Variants in SLC24A2 observed in about 807,000 individuals in gnomAD.
SLC24A2 encodes the protein solute carrier family 24 member 2, also known as sodium/potassium/calcium exchanger 2.
SLC24A2 carries 36 observed loss-of-function variants against 62.0 expected under a neutral mutation model. That is an observed-to-expected ratio of 0.58 (90% CI 0.44 to 0.77). The LOEUF is 0.77. Ranked by LOEUF, SLC24A2 falls within the 30% of genes least tolerant of loss-of-function variation. The probability of loss-of-function intolerance (pLI) is 0.00; values close to 1 mark genes in which losing one functional copy is unlikely to be tolerated. For synonymous variants in SLC24A2, 358 were observed against 294.0 expected (o/e 1.22, Z -2.23); for missense variants, 846 against 817.9 (o/e 1.03, Z -0.42).
the SLC24A2 span, among the ~76,000 whole-genome samples, chr9:20,280,717 G>T: frequency 3.3e-5 from 5 of 152,164 alleles, no homozygotes; most frequent in African/African-American, 4.8e-5. Context: ...ATTGGTAACA[G>T]GGTTTTAGAA....
At chr9:19,983,462 G>A in the SLC24A2 span, among the ~76,000 whole-genome samples, 1 of 152,118 alleles carries the variant, frequency 6.6e-6, no homozygotes, top group Admixed American at 6.6e-5. Context: ...GGCCAACATG[G>A]TGAAACCCCG....
chr9:19,858,435 T>C, the SLC24A2 span, among the ~76,000 whole-genome samples: 1,180 of 152,252 alleles, frequency 7.8e-3, 15 homozygotes, highest in African/African-American at 0.026. Context: ...ATTGTAGACA[T>C]AGGAATGGGC....
the SLC24A2 span, among the ~76,000 whole-genome samples, chr9:20,262,274 G>C: frequency 6.6e-6 from 1 of 152,176 alleles, no homozygotes; most frequent in African/African-American, 2.4e-5. Context: ...TTGAATCTTT[G>C]TTTTGGCATG....
intron 2 of SLC24A2, among the ~76,000 whole-genome samples, chr9:19,680,877 G>C (rs925762040): frequency 2.0e-5 from 3 of 150,070 alleles, no homozygotes; most frequent in African/African-American, 7.6e-5. Flanking sequence ...GTGTGTGTGT[G>C]TGTGTGTGTC....
the SLC24A2 span, among the ~76,000 whole-genome samples, chr9:20,205,667 A>C: frequency 1.9e-3 from 287 of 150,534 alleles, 2 homozygotes; most frequent in Non-Finnish European, 3.0e-3. Flanking sequence ...AAAAAAAAAA[A>C]AAAAAAACAA....
chr9:19,917,665 AC>A, the SLC24A2 span, among the ~76,000 whole-genome samples: 2 of 152,048 alleles, frequency 1.3e-5, no homozygotes, highest in Admixed American at 6.5e-5. Context: ...TTGCTTTTCT[AC>A]TTAAAACGTA....
chr9:20,012,387 G>C, the SLC24A2 span, among the ~76,000 whole-genome samples: 1 of 152,102 alleles, frequency 6.6e-6, no homozygotes, highest in African/African-American at 2.4e-5. Flanking sequence ...AACAGCGCAG[G>C]AAAGACCTGC....
chr9:19,520,801 G>A, intron 10 of SLC24A2, 93 bp downstream of exon 10: 1 of 1,206,948 alleles, frequency 8.3e-7, no homozygotes, highest in Non-Finnish European at 1.2e-6. Context: ...TTAGTCTTAG[G>A]TTCAGAGATC....
chr9:19,657,299 T>G (rs778516223), intron 2 of SLC24A2, among the ~76,000 whole-genome samples: 3 of 152,202 alleles, frequency 2.0e-5, no homozygotes, highest in Non-Finnish European at 2.9e-5. Context: ...TCCTGTTTGT[T>G]GTCTTATTCC....
chr9:19,556,770 A>C (rs898975565), intron 7 of SLC24A2, among the ~76,000 whole-genome samples: 15 of 152,158 alleles, frequency 9.9e-5, no homozygotes, highest in African/African-American at 3.4e-4. Context: ...CATTGACTTT[A>C]AAAACACTAG....
the SLC24A2 span, among the ~76,000 whole-genome samples, chr9:20,226,835 G>A: frequency 5.9e-5 from 9 of 152,116 alleles, no homozygotes; most frequent in Admixed American, 3.3e-4. Flanking sequence ...CAACCCCTAC[G>A]GGGAAACCTG....
chr9:19,547,016 C>T (rs953098959), intron 8 of SLC24A2, among the ~76,000 whole-genome samples: 85 of 152,298 alleles, frequency 5.6e-4, no homozygotes, highest in African/African-American at 2.0e-3. Context: ...GGAAAAATCA[C>T]CTGCCTTCTG....
At position 19,709,383 on chromosome 9, in the gene SLC24A2, G is replaced by C. The variant is rs534656139; in HGVS notation, c.930+76554C>G. On this transcript the variant is annotated intron_variant, in intron 2 of 10. Transcript: ENST00000341998. ...GGATCTAGAACAAGAAATACCATTT[G>C]ACCCAGCCATCCCATTACTGGGTAT... 2.0e-4 allele frequency among the ~76,000 whole-genome samples: 30 copies of C among 152,276 alleles called. No homozygotes were observed. In the East Asian group the frequency reaches 4.1e-3, roughly 21 times the overall value.
intron 7 of SLC24A2, among the ~76,000 whole-genome samples, chr9:19,564,858 G>T (rs1055544321): frequency 6.6e-6 from 1 of 152,160 alleles, no homozygotes; most frequent in African/African-American, 2.4e-5. Context: ...TGTCACAGCA[G>T]CAGGGATTAT....
chr9:19,610,805 C>T (rs892527235), intron 4 of SLC24A2, among the ~76,000 whole-genome samples: 2 of 152,332 alleles, frequency 1.3e-5, no homozygotes, highest in South Asian at 2.1e-4. Context: ...AGAAAATCTA[C>T]ATGGCTAGAG....
chr9:20,019,154 A>AG, the SLC24A2 span, among the ~76,000 whole-genome samples: 7,774 of 135,232 alleles, frequency 0.057, 839 homozygotes, highest in Non-Finnish European at 0.085. Context: ...AGAAAGAAAG[A>AG]AAGAGAGAGA....
At chr9:19,927,044 G>T in the SLC24A2 span, 1 of 152,248 alleles carries the variant, frequency 6.6e-6, no homozygotes, top group Non-Finnish European at 1.5e-5. Flanking sequence ...ATTTAACGAA[G>T]AGAAAGGGAG....
chr9:19,892,399 A>G, the SLC24A2 span, among the ~76,000 whole-genome samples: 1 of 152,238 alleles, frequency 6.6e-6, no homozygotes, highest in South Asian at 2.1e-4. Context: ...TCCCACCAGA[A>G]AATGAGCTTC....
At chr9:19,607,447 T>G (rs1428956349) in intron 4 of SLC24A2, among the ~76,000 whole-genome samples, 1 of 152,134 alleles carries the variant, frequency 6.6e-6, no homozygotes, top group Non-Finnish European at 1.5e-5. Context: ...CAGGGTGCAG[T>G]GGCTCACAGC....
Sources: allele counts gnomAD v4.1 joint callset (sites outside exome capture counted in the v4.1 genomes callset), GRCh38; gene constraint gnomAD v4.1.1; transcripts MANE v1.5; gene names NCBI Gene and HGNC (gene_info 2026-07-23, HGNC 2026-07-21).